Variants in DST observed in about 807,000 individuals in gnomAD.
DST encodes the protein bullous pemphigoid antigen.
In DST, 253 loss-of-function variants were observed where a neutral mutation model predicts 875.2. That is an observed-to-expected ratio of 0.29 (90% CI 0.26 to 0.32). The LOEUF is 0.32. Among genes scored for constraint, DST ranks in the 10% least tolerant of loss-of-function variants. DST has a pLI of 1.00. For missense variants in DST, 8,287 were observed against 9,111.6 expected, an observed-to-expected ratio of 0.91 and a Z score of 3.68; for synonymous variants, 3,124 against 3,197.1, an observed-to-expected ratio of 0.98 and a Z score of 0.77.
chr6:56,814,522 T>A (rs1311194676), intron 4 of DST, among the ~76,000 whole-genome samples: 2 of 152,172 alleles, frequency 1.3e-5, no homozygotes, highest in East Asian at 3.9e-4. Context: ...AATAAGTCTA[T>A]GACAGACCAA....
At position 56,750,510 on chromosome 6, in the gene DST, T is replaced by A. The variant is rs75441736; in HGVS notation, c.626-15221A>T. Among the ~76,000 whole-genome samples the A allele has an allele frequency of 7.8e-3, 1,183 of 152,262 alleles. 17 individuals are homozygous for A. Among genetic ancestry groups the A allele is most frequent in the African/African-American group, 0.027 (1,120 of 41,530 alleles). ...ATTGCCTACTATGAGAAGAGTGGTC[T>A]CAAACTTTCAAATTCCACAGTCCCT... On this transcript the variant is annotated intron_variant, in intron 4 of 103. Coordinates refer to ENST00000680361, the MANE Select transcript of DST (RefSeq NM_001374736.1).
intron 82 of DST, among the ~76,000 whole-genome samples, chr6:56,496,652 G>A (rs1298577498): frequency 6.6e-6 from 1 of 151,960 alleles, no homozygotes; most frequent in African/African-American, 2.4e-5. Flanking sequence ...CACCCATACA[G>A]GCTTATTTTG....
At chr6:56,782,164 G>A (rs1351112898) in intron 4 of DST, among the ~76,000 whole-genome samples, 1 of 152,158 alleles carries the variant, frequency 6.6e-6, no homozygotes, top group East Asian at 1.9e-4. Flanking sequence ...TGTTCATCAA[G>A]GATATTGGTC....
chr6:56,881,340 AGAC>A, intron 3 of DST, among the ~76,000 whole-genome samples: 1 of 151,888 alleles, frequency 6.6e-6, no homozygotes, highest in Non-Finnish European at 1.5e-5. Flanking sequence ...GGGCTTGGTG[AGAC>A]ATGCCTGTAG....
Position 56,501,507 on chromosome 6 carries a change from T to A in DST, c.19740+13A>T, listed in dbSNP as rs759249821. The A allele has an allele frequency of 6.7e-7, 1 of 1,487,780 alleles. No individual in the cohort carries two copies. Among genetic ancestry groups the A allele is most frequent in the East Asian group, 2.5e-5 (1 of 39,784 alleles). The allele number at this position is 1,487,780 out of a possible 1,614,324, so 92.2% of individuals were successfully genotyped here. On this transcript the variant is annotated intron_variant, in intron 79 of 103. Transcript: ENST00000680361. ...AAAATTTATAATTTCTTAAGAAAAG[T>A]CTTGGTATTTACCTGTCTGTTGATG...
Position 56,587,058 on chromosome 6 carries a change from G to A in DST, c.12903+5124C>T, listed in dbSNP as rs149837473. 8.5e-3 allele frequency among the ~76,000 whole-genome samples: 1,287 copies of A among 152,242 alleles called. 21 individuals are homozygous for A. The highest frequency in any genetic ancestry group is 0.029 in the African/African-American group (1,215 of 41,536). ...CACCAGCAACGGAACAAAGCTGGAC[G>A]GAGAATGACTTTGACGAGTTGAGAG... On this transcript the variant is annotated intron_variant, in intron 49 of 103. Transcript: ENST00000680361.
At chr6:56,778,003 T>A (rs1377312618) in intron 4 of DST, among the ~76,000 whole-genome samples, 2 of 152,068 alleles carry the variant, frequency 1.3e-5, no homozygotes, top group African/African-American at 4.8e-5. Flanking sequence ...GCCCCCGGCC[T>A]GTAAGGAGTA....
At chr6:56,594,263 G>A (rs1408416809) in intron 47 of DST, 70 bp from the exon 48 acceptor site, 37 of 1,279,138 alleles carry the variant, frequency 2.9e-5, no homozygotes, top group East Asian at 4.7e-5. Context: ...GCTCCTTGCC[G>A]CCTCAAGACT....
chr6:56,501,030 C>G (rs765797871), intron 80 of DST, 50 bp downstream of exon 80: 19 of 1,566,906 alleles, frequency 1.2e-5, no homozygotes, highest in Non-Finnish European at 1.5e-5. Flanking sequence ...AATCTGATGA[C>G]ACTAGAAATG....
chr6:56,689,474 C>A (rs13192037), intron 9 of DST, among the ~76,000 whole-genome samples: 22,445 of 152,068 alleles, frequency 0.15, 2,141 homozygotes, highest in Non-Finnish European at 0.22. Flanking sequence ...TAAAAACACA[C>A]GAGCAGGTGC....
intron 17 of DST, among the ~76,000 whole-genome samples, chr6:56,641,739 A>G (rs2098906415): frequency 6.6e-6 from 1 of 152,208 alleles, no homozygotes; most frequent in Non-Finnish European, 1.5e-5. Context: ...TATTATACGC[A>G]CCATAAAATA....
At chr6:56,708,580 C>T (rs964659456) in intron 5 of DST, among the ~76,000 whole-genome samples, 1 of 152,114 alleles carries the variant, frequency 6.6e-6, no homozygotes, top group Non-Finnish European at 1.5e-5. Flanking sequence ...ATGTCACTAA[C>T]AATAATAAAC....
chr6:56,476,316 G>A lies in DST; in HGVS notation c.21697C>T (p.His7233Tyr). 2 of 1,599,498 alleles carry A rather than the reference G, an allele frequency of 1.3e-6. No individual in the cohort carries two copies. Residue 7233 changes from histidine to tyrosine, a missense_variant, in exon 92 of 104, where the codon CAT becomes TAT. His to Tyr is a moderately conservative substitution (Grantham distance 83). Transcript: ENST00000680361. ...FEEVLAWAKQ[H>Y]QQRLASALAG... is the part of the protein sequence containing the mutation. ...AGAGCACTTGCTAATCTCTGCTGAT[G>A]TTGCTTTGCCCAGGCCAGCACCTGT...
intron 4 of DST, among the ~76,000 whole-genome samples, chr6:56,822,595 CCT>C (rs947596827): frequency 3.7e-4 from 56 of 152,132 alleles, no homozygotes; most frequent in Middle Eastern, 3.4e-3. Flanking sequence ...AAGAGTATTG[CCT>C]CTGAAGTAAA....
chr6:56,877,453 G>A (rs1012395329), intron 3 of DST, among the ~76,000 whole-genome samples: 3 of 152,222 alleles, frequency 2.0e-5, no homozygotes, highest in Non-Finnish European at 4.4e-5. Flanking sequence ...CTACCTGGGA[G>A]GCAGAGGCAG....
At chr6:56,659,837 T>C (rs760701021) in intron 10 of DST, among the ~76,000 whole-genome samples, 1 of 151,998 alleles carries the variant, frequency 6.6e-6, no homozygotes, top group Non-Finnish European at 1.5e-5. Context: ...GATGAATATA[T>C]ACAAGAAAGG....
intron 3 of DST, among the ~76,000 whole-genome samples, chr6:56,874,672 C>G (rs1778873141): frequency 6.6e-6 from 1 of 152,222 alleles, no homozygotes; most frequent in Non-Finnish European, 1.5e-5. Context: ...ATTCTGCATT[C>G]TTTCCCACAT....
rs1251604129 is a variant in DST, at chr6:56,546,197, CT to C, written c.16608+5986del. 3.3e-5 allele frequency among the ~76,000 whole-genome samples: 5 copies of C among 151,412 alleles called. No homozygotes were observed. In the East Asian group the frequency reaches 9.7e-4, roughly 29 times the overall value. On this transcript the variant is annotated intron_variant, in intron 61 of 103. Transcript: ENST00000680361. Reference sequence around the variant, plus strand: ...CCTTAGTTAATATCTTTAATGAGCACTTGCTCTTCTTCCTGTAAGTTACTAC... The same window carrying C: ...CCTTAGTTAATATCTTTAATGAGCACTGCTCTTCTTCCTGTAAGTTACTAC...
chr6:56,831,983 C>T (rs910435039), intron 4 of DST, among the ~76,000 whole-genome samples: 3 of 152,158 alleles, frequency 2.0e-5, no homozygotes, highest in African/African-American at 7.2e-5. Context: ...TTTACTTCTA[C>T]TGAAGCACAA....
Sources: gnomAD v4.1 joint callset for allele counts (sites outside exome capture counted in the v4.1 genomes callset) on GRCh38, gnomAD v4.1.1 for gene constraint, MANE v1.5 for transcripts, NCBI Gene and HGNC (gene_info 2026-07-23, HGNC 2026-07-21) for gene names.